CSMD1: variants seen among roughly 807,000 people sequenced by gnomAD.
The protein encoded by CSMD1 is CUB and sushi domain-containing protein 1.
CSMD1 carries 213 observed loss-of-function variants against 417.5 expected under a neutral mutation model. That is an observed-to-expected ratio of 0.51 (90% confidence interval 0.46 to 0.57). The LOEUF (loss-of-function observed/expected upper bound fraction) is 0.57. CSMD1 is among the 20% of genes least tolerant of loss of function. The pLI is 0.00. For synonymous variants in CSMD1, 2,862 were observed against 1,736.8 expected (o/e 1.65, Z -16.11); for missense variants, 6,923 against 4,529.7 (o/e 1.53, Z -15.17).
At chr8:3,165,110 G>A (rs929544388) in intron 37 of CSMD1, among the ~76,000 whole-genome samples, 2 of 152,002 alleles carry the variant, frequency 1.3e-5, no homozygotes, top group Non-Finnish European at 2.9e-5. Context: ...TCTATGCAGA[G>A]CACAATATTT....
chr8:4,215,738 A>AAT (rs1427231995), intron 3 of CSMD1, among the ~76,000 whole-genome samples: 2 of 152,222 alleles, frequency 1.3e-5, no homozygotes, highest in Admixed American at 6.5e-5. Context: ...CTTCATGAGT[A>AAT]ATACTTCCTG....
chr8:4,307,803 A>G (rs1798330464), intron 3 of CSMD1, among the ~76,000 whole-genome samples: 1 of 152,176 alleles, frequency 6.6e-6, no homozygotes, highest in African/African-American at 2.4e-5. Flanking sequence ...TCTCTACACT[A>G]CAGTCTGAAA....
At chr8:3,661,043 G>A (rs987971164) in intron 7 of CSMD1, among the ~76,000 whole-genome samples, 5 of 152,168 alleles carry the variant, frequency 3.3e-5, no homozygotes, top group Non-Finnish European at 5.9e-5. Context: ...TCCTGCCACC[G>A]CTAAGCCTTG....
At chr8:4,003,113 G>C (rs542101735) in intron 4 of CSMD1, among the ~76,000 whole-genome samples, 1 of 152,120 alleles carries the variant, frequency 6.6e-6, no homozygotes, top group South Asian at 2.1e-4. Flanking sequence ...CAAGATACAG[G>C]CTTGGCGCGG....
chr8:4,308,437 G>A (rs551362691), intron 3 of CSMD1, among the ~76,000 whole-genome samples: 2 of 152,088 alleles, frequency 1.3e-5, no homozygotes, highest in South Asian at 2.1e-4. Flanking sequence ...CTGATGATGG[G>A]AAAAAAGGTT....
intron 5 of CSMD1, among the ~76,000 whole-genome samples, chr8:3,837,162 A>T (rs376679615): frequency 6.6e-6 from 1 of 150,748 alleles, no homozygotes; most frequent in Admixed American, 6.6e-5. Flanking sequence ...AAAAAAAAAA[A>T]TCTGTTCACA....
At chr8:4,589,719 T>G (rs962188841) in intron 2 of CSMD1, among the ~76,000 whole-genome samples, 4 of 152,196 alleles carry the variant, frequency 2.6e-5, no homozygotes, top group African/African-American at 9.7e-5. Context: ...ACACATGATT[T>G]CTAAATTGCC....
intron 2 of CSMD1, among the ~76,000 whole-genome samples, chr8:4,425,420 G>A (rs1330258279): frequency 2.0e-5 from 3 of 151,706 alleles, no homozygotes; most frequent in South Asian, 2.1e-4. Flanking sequence ...TTAGTTGACA[G>A]GGATGCGGAA....
chr8:4,780,150 GC>G (rs1258687136), intron 1 of CSMD1, among the ~76,000 whole-genome samples: 3 of 152,268 alleles, frequency 2.0e-5, no homozygotes, highest in South Asian at 2.1e-4. Context: ...GCCATAATTG[GC>G]CAGACCTTCA....
chr8:3,617,945 C>T (rs558261259), intron 7 of CSMD1, among the ~76,000 whole-genome samples: 2 of 152,190 alleles, frequency 1.3e-5, no homozygotes, highest in African/African-American at 4.8e-5. Flanking sequence ...ATATGTGGAA[C>T]TCGTGAAGCA....
intron 3 of CSMD1, among the ~76,000 whole-genome samples, chr8:4,033,654 G>T (rs536856310): frequency 6.6e-6 from 1 of 152,158 alleles, no homozygotes; most frequent in African/African-American, 2.4e-5. Flanking sequence ...CTGCGTCATG[G>T]GCCACTGATG....
intron 49 of CSMD1, among the ~76,000 whole-genome samples, chr8:3,076,994 G>A (rs955655808): frequency 5.3e-5 from 8 of 150,108 alleles, no homozygotes; most frequent in African/African-American, 1.2e-4. Context: ...CCTGCTCACC[G>A]TCCTTCCTTC....
chr8:3,884,239 C>G (rs1312551339), intron 5 of CSMD1, among the ~76,000 whole-genome samples: 1 of 152,182 alleles, frequency 6.6e-6, no homozygotes. Context: ...CTTTGATACG[C>G]CTCTAATGGC....
At chr8:4,465,664 G>T (rs141351896) in intron 2 of CSMD1, among the ~76,000 whole-genome samples, 1 of 152,168 alleles carries the variant, frequency 6.6e-6, no homozygotes, top group Non-Finnish European at 1.5e-5. Flanking sequence ...GTACTGGAGA[G>T]ATGAAATTCA....
chr8:4,148,277 C>G (rs1457841437), intron 3 of CSMD1, among the ~76,000 whole-genome samples: 2 of 148,162 alleles, frequency 1.3e-5, no homozygotes, highest in Non-Finnish European at 3.0e-5. Flanking sequence ...GACAAAAAAC[C>G]AAACACCACA....
At chr8:3,544,164 G>C (rs1320359026) in intron 10 of CSMD1, among the ~76,000 whole-genome samples, 1 of 152,048 alleles carries the variant, frequency 6.6e-6, no homozygotes, top group East Asian at 1.9e-4. Context: ...AGAAAGTTAT[G>C]TATTCCTAGC....
At chr8:3,467,259 A>G (rs1164511842) in intron 12 of CSMD1, among the ~76,000 whole-genome samples, 1 of 152,134 alleles carries the variant, frequency 6.6e-6, no homozygotes, top group Non-Finnish European at 1.5e-5. Flanking sequence ...GGTACCATAA[A>G]CCTCATGATG....
intron 12 of CSMD1, among the ~76,000 whole-genome samples, chr8:3,427,730 CTATT>C (rs1306835884): frequency 6.6e-6 from 1 of 152,098 alleles, no homozygotes; most frequent in Non-Finnish European, 1.5e-5. Context: ...GTAAAAGTAA[CTATT>C]TAATTTAATC....
At chr8:4,312,785 A>C (rs1008464572) in intron 3 of CSMD1, among the ~76,000 whole-genome samples, 6 of 152,122 alleles carry the variant, frequency 3.9e-5, no homozygotes, top group Non-Finnish European at 4.4e-5. Context: ...GAAGCAGGAT[A>C]ATTGCTTGAA....
Sources: allele counts gnomAD v4.1 joint callset (sites outside exome capture counted in the v4.1 genomes callset), GRCh38; gene constraint gnomAD v4.1.1; transcripts MANE v1.5; gene names NCBI Gene and HGNC (gene_info 2026-07-23, HGNC 2026-07-21).